The following PKIG variants were observed in gnomAD, a reference collection of about 807,000 sequenced individuals.
The protein encoded by PKIG is cAMP-dependent protein kinase inhibitor gamma.
A neutral mutation model predicts 6.8 loss-of-function variants in PKIG; 1 was observed. That is an observed-to-expected ratio of 0.15 (90% CI 0.05 to 0.69). The LOEUF is 0.69. PKIG is among the 30% of genes least tolerant of loss of function. PKIG has a pLI of 0.82. For synonymous variants in PKIG, 39 were observed against 43.0 expected (o/e 0.91, Z 0.36); for missense variants, 77 against 104.0 (o/e 0.74, Z 1.13).
At chr20:44,594,092 T>A (rs951979412) in intron 2 of PKIG, among the ~76,000 whole-genome samples, 2 of 152,232 alleles carry the variant, frequency 1.3e-5, no homozygotes, top group Non-Finnish European at 2.9e-5. Flanking sequence ...TTACATCATT[T>A]GGCCAATGTA....
chr20:44,545,346 C>T (rs1237610942), intron 1 of PKIG, among the ~76,000 whole-genome samples: 18 of 150,876 alleles, frequency 1.2e-4, no homozygotes, highest in Admixed American at 1.2e-3. Context: ...ATTGTGATTA[C>T]AAAATAATTA....
Position 44,616,769 on chromosome 20 carries a change from G to A in PKIG, c.152-1516G>A, listed in dbSNP as rs184233225. On this transcript the variant is annotated intron_variant, in intron 3 of 3. Transcript: ENST00000372886. ...CAGGGAGCAGTTCCGTTTCACAGGC[G>A]GGGCTGCGGGCCACGCCCACTCCAG... 7.8e-3 allele frequency among the ~76,000 whole-genome samples: 1,191 copies of A among 152,324 alleles called. 6 individuals carry two copies. The highest frequency in any genetic ancestry group is 0.013 in the Non-Finnish European group (860 of 68,030).
At chr20:44,595,221 G>A (rs73298315) in intron 2 of PKIG, among the ~76,000 whole-genome samples, 9,136 of 152,246 alleles carry the variant, frequency 0.06, 289 homozygotes, top group South Asian at 0.11. Context: ...ACACACACAC[G>A]CAGAGAATAT....
chr20:44,587,327 C>G (rs1328685420), intron 1 of PKIG, among the ~76,000 whole-genome samples: 1 of 152,232 alleles, frequency 6.6e-6, no homozygotes, highest in Non-Finnish European at 1.5e-5. Context: ...TGCTCTCTCC[C>G]TACAATTCCT....
At chr20:44,605,267 G>C (rs1366733171) in intron 2 of PKIG, among the ~76,000 whole-genome samples, 1 of 151,978 alleles carries the variant, frequency 6.6e-6, no homozygotes, top group Non-Finnish European at 1.5e-5. Context: ...AATTAGCCGG[G>C]TGTGGTAGCA....
intron 2 of PKIG, among the ~76,000 whole-genome samples, chr20:44,604,212 C>G (rs1409174942): frequency 6.6e-6 from 1 of 152,170 alleles, no homozygotes; most frequent in Non-Finnish European, 1.5e-5. Flanking sequence ...CTTTAAGGTG[C>G]AGGATGCCTT....
chr20:44,564,729 T>C (rs2064796179), intron 1 of PKIG, among the ~76,000 whole-genome samples: 1 of 152,186 alleles, frequency 6.6e-6, no homozygotes, highest in Non-Finnish European at 1.5e-5. Context: ...TTTGGAGGGC[T>C]CTCCTTTCTT....
rs565365400 is a variant in PKIG at position 44,618,265 on chromosome 20, CCT to C, written c.152-17_152-16del. On this transcript the variant is annotated intron_variant, in intron 3 of 3. Coordinates refer to ENST00000372886, the MANE Select transcript of PKIG (RefSeq NM_001281445.2). ...TTTGTGTATATGTGCCCAAGAAAAACCTCTTTCTCTCCTCTCCAGAAGGACAG... is the reference window on the plus strand; with the variant it reads ...TTTGTGTATATGTGCCCAAGAAAAACCTTTCTCTCCTCTCCAGAAGGACAG... The C allele has an allele frequency of 1.7e-5, 26 of 1,566,154 alleles. No individual in the cohort carries two copies. The highest frequency in any genetic ancestry group is 5.4e-5 in the African/African-American group (4 of 74,100).
At chr20:44,552,516 T>G (rs1280245673) in intron 1 of PKIG, among the ~76,000 whole-genome samples, 1 of 152,200 alleles carries the variant, frequency 6.6e-6, no homozygotes, top group Admixed American at 6.5e-5. Context: ...TGCATTGCCT[T>G]GCTCAGGGTA....
Position 44,614,487 on chromosome 20 carries a change from G to C in PKIG, c.-23-47G>C. 2 of 1,421,982 alleles carry C rather than the reference G, an allele frequency of 1.4e-6. No individual in the cohort carries two copies. Among genetic ancestry groups the C allele is most frequent in the Non-Finnish European group, 2.0e-6 (2 of 1,018,508 alleles). 88.1% of individuals were successfully genotyped at this position (1,421,982 alleles called of 1,614,324 possible). ...GGGAACTGGAGCTGTCCTCTCTGCAGAATGCATCTGGACTTACCTCTGCCC... is the reference window on the plus strand; with the variant it reads ...GGGAACTGGAGCTGTCCTCTCTGCACAATGCATCTGGACTTACCTCTGCCC... On this transcript the variant is annotated intron_variant, in intron 2 of 3. Transcript: ENST00000372886. The surrounding 1 kb of genome is among the most constrained non-coding windows in gnomAD (Gnocchi z 4.6).
At position 44,618,297 on chromosome 20, in the gene PKIG, A is replaced by C. The variant is rs760687540; in HGVS notation, c.164A>C (p.Glu55Ala). The C allele has an allele frequency of 3.5e-5, 57 of 1,611,434 alleles. No homozygotes were observed. The highest frequency in any genetic ancestry group is 4.4e-5 in the Non-Finnish European group (52 of 1,177,686). Residue 55 changes from glutamate to alanine, a missense_variant, in exon 4 of 4, where the codon GAG (glutamate) becomes GCG (alanine). Glu to Ala is a moderately radical substitution (Grantham distance 107). Transcript: ENST00000372886. ...CTCTCCTCTCCAGAAGGACAGGTGG[A>C]GGGAAGCGCCCCAGACAAGGAAGCT... ...LALEGAEGQV[E>A]GSAPDKEAGN...
At chr20:44,532,466 T>C (rs1465865089) in intron 1 of PKIG, among the ~76,000 whole-genome samples, 1 of 152,144 alleles carries the variant, frequency 6.6e-6, no homozygotes, top group Non-Finnish European at 1.5e-5. Flanking sequence ...TTATTACTAC[T>C]ACTACAAGGA....
At chr20:44,585,290 G>A (rs2064980950) in intron 1 of PKIG, 1 of 152,392 alleles carries the variant, frequency 6.6e-6, no homozygotes, top group South Asian at 2.1e-4. Flanking sequence ...TGTGTTTGCT[G>A]ATCTCTCCCA....
At chr20:44,575,973 C>T (rs1442908749) in intron 1 of PKIG, among the ~76,000 whole-genome samples, 1 of 152,118 alleles carries the variant, frequency 6.6e-6, no homozygotes, top group African/African-American at 2.4e-5. Flanking sequence ...TCCTTGTGCT[C>T]CAAACTTCAG....
intron 2 of PKIG, among the ~76,000 whole-genome samples, chr20:44,592,334 G>T (rs2065040513): frequency 6.6e-6 from 1 of 152,166 alleles, no homozygotes; most frequent in African/African-American, 2.4e-5. Context: ...AGACAGTGCA[G>T]AGGACACAGA....
intron 2 of PKIG, among the ~76,000 whole-genome samples, chr20:44,606,051 G>T (rs560604791): frequency 4.6e-5 from 7 of 152,302 alleles, no homozygotes; most frequent in East Asian, 3.9e-4. Context: ...AAATATGTAT[G>T]TGGGGAGAAG....
chr20:44,583,650 A>T (rs2064966371), intron 1 of PKIG, among the ~76,000 whole-genome samples: 1 of 152,178 alleles, frequency 6.6e-6, no homozygotes, highest in Admixed American at 6.5e-5. Flanking sequence ...TAGAAGGGTC[A>T]CCCAAGGAAA....
intron 1 of PKIG, among the ~76,000 whole-genome samples, chr20:44,550,588 A>G (rs1003108220): frequency 6.6e-6 from 1 of 152,172 alleles, no homozygotes; most frequent in African/African-American, 2.4e-5. Context: ...GAGTGTTGTC[A>G]TGGTGGAGAA....
At chr20:44,593,348 T>C (rs920410013) in intron 2 of PKIG, among the ~76,000 whole-genome samples, 1 of 136,252 alleles carries the variant, frequency 7.3e-6, no homozygotes, top group African/African-American at 2.8e-5. Context: ...AAAAAAATTA[T>C]AATGCTATAA....
Sources: allele counts gnomAD v4.1 joint callset (sites outside exome capture counted in the v4.1 genomes callset), GRCh38; gene constraint gnomAD v4.1.1; non-coding constraint Gnocchi (gnomAD v3.1); transcripts MANE v1.5; gene names NCBI Gene and HGNC (gene_info 2026-07-23, HGNC 2026-07-21).